Variants in SDK1 observed in about 807,000 individuals in gnomAD.
SDK1 encodes the protein sidekick cell adhesion molecule 1, also known as protein sidekick-1.
A neutral mutation model predicts 245.5 loss-of-function variants in SDK1; 157 were observed. The ratio of observed to expected loss-of-function variants is 0.64; its 90% confidence interval spans 0.56 to 0.73. SDK1 has a LOEUF of 0.73. SDK1 is among the 30% of genes least tolerant of loss of function. The pLI, the probability that SDK1 is intolerant of heterozygous loss-of-function variation, is 0.00. For missense variants in SDK1, 3,583 were observed against 3,002.3 expected (o/e 1.19, Z -4.52); for synonymous variants, 1,647 against 1,278.5 (o/e 1.29, Z -6.15).
intron 1 of SDK1, among the ~76,000 whole-genome samples, chr7:3,583,390 T>A (rs1263502997): frequency 1.3e-5 from 2 of 152,234 alleles, no homozygotes; most frequent in South Asian, 2.1e-4. Flanking sequence ...AAGGATATTT[T>A]ATTTACCTTG....
Position 3,301,354 on chromosome 7 carries a change from G to C in SDK1, c.-233G>C, listed in dbSNP as rs1044830777. On this transcript the variant is annotated 5_prime_UTR_variant, in exon 1 of 45. Coordinates refer to ENST00000404826, the MANE Select transcript of SDK1 (RefSeq NM_152744.4). ...GCGGCGGGCTCGGGACTGCGTGAGC[G>C]CCGGACGCGAATTTCCCCCGTTGAC... 24 of 147,832 alleles carry C rather than the reference G, an allele frequency of 1.6e-4. No individual in the cohort carries two copies. Among genetic ancestry groups the C allele is most frequent in the African/African-American group, 5.9e-4 (24 of 40,842 alleles). The allele number at this position is 147,832 out of a possible 1,614,324, so 9.2% of individuals were successfully genotyped here. A position where few individuals can be genotyped will look rare whatever the true frequency, so the allele number is the denominator to read the frequency against.
chr7:4,221,359 C>A lies in SDK1; in HGVS notation c.5822C>A (p.Pro1941His). 1 of 1,606,878 alleles carries A rather than the reference C, an allele frequency of 6.2e-7. No individual in the cohort carries two copies. The highest frequency in any genetic ancestry group is 8.5e-7 in the Non-Finnish European group (1 of 1,177,028). The change falls in exon 40 of 45, where the codon CCC becomes CAC. Residue 1941 changes from proline (P) to histidine (H), a missense_variant. Physicochemically the swap from Pro to His is moderately conservative, Grantham distance 77. Coordinates refer to ENST00000404826, the MANE Select transcript of SDK1 (RefSeq NM_152744.4). ...ACGGGCTATGTGATCGAGGCCCGGCCCTCAGGTAGGGTGGCAGGCCCCACA... is the reference window on the plus strand; with the variant it reads ...ACGGGCTATGTGATCGAGGCCCGGCACTCAGGTAGGGTGGCAGGCCCCACA... ...PTTGYVIEARPSDEGLWDMFV... is the reference protein window; with the variant it reads ...PTTGYVIEARHSDEGLWDMFV...
chr7:3,365,914 C>G (rs926601332), intron 1 of SDK1, among the ~76,000 whole-genome samples: 1 of 152,012 alleles, frequency 6.6e-6, no homozygotes, highest in Non-Finnish European at 1.5e-5. Context: ...TGGCGGGCAC[C>G]GGTAATCCCA....
intron 30 of SDK1, among the ~76,000 whole-genome samples, chr7:4,155,132 T>C (rs1019247797): frequency 2.0e-5 from 3 of 151,634 alleles, no homozygotes; most frequent in Non-Finnish European, 4.4e-5. Flanking sequence ...GCCTGCCTCA[T>C]TTGGGCAGTG....
At chr7:3,677,530 A>AC (rs1477669240) in intron 4 of SDK1, among the ~76,000 whole-genome samples, 2 of 152,220 alleles carry the variant, frequency 1.3e-5, no homozygotes, top group African/African-American at 2.4e-5. Context: ...AGACTTATTC[A>AC]CTACCACAAG....
intron 34 of SDK1, 107 bp downstream of exon 34, chr7:4,175,941 A>C (rs1584372964): frequency 1.1e-6 from 1 of 934,488 alleles, no homozygotes. Flanking sequence ...TAATGGCTCC[A>C]GTTCTGGAAT....
intron 3 of SDK1, among the ~76,000 whole-genome samples, chr7:3,640,849 A>G (rs1423508653): frequency 6.6e-6 from 1 of 151,856 alleles, no homozygotes; most frequent in Non-Finnish European, 1.5e-5. Context: ...ACACCCAGCT[A>G]ATTTTTGTAT....
intron 5 of SDK1, among the ~76,000 whole-genome samples, chr7:3,869,081 T>C (rs1409248566): frequency 3.3e-5 from 5 of 152,008 alleles, no homozygotes; most frequent in Non-Finnish European, 7.4e-5. Flanking sequence ...CGTTGTCAAT[T>C]GAAGATTTTT....
chr7:3,935,364 A>T (rs1780119964), intron 5 of SDK1, among the ~76,000 whole-genome samples: 1 of 152,250 alleles, frequency 6.6e-6, no homozygotes, highest in African/African-American at 2.4e-5. Context: ...TAACACTAAA[A>T]GCACAGGCAA....
chr7:3,774,766 A>G (rs185047256), intron 4 of SDK1, among the ~76,000 whole-genome samples: 1 of 152,294 alleles, frequency 6.6e-6, no homozygotes, highest in Non-Finnish European at 1.5e-5. Context: ...TCTAGGTTTT[A>G]TGATCTTCTC....
intron 5 of SDK1, among the ~76,000 whole-genome samples, chr7:3,932,764 T>C (rs994494235): frequency 6.6e-6 from 1 of 152,190 alleles, no homozygotes; most frequent in African/African-American, 2.4e-5. Flanking sequence ...TTTTCTCTGC[T>C]CCTGGTCCAA....
intron 1 of SDK1, among the ~76,000 whole-genome samples, chr7:3,461,607 T>C (rs1418848351): frequency 1.3e-5 from 2 of 152,204 alleles, no homozygotes; most frequent in Non-Finnish European, 2.9e-5. Flanking sequence ...TGTGTGACTT[T>C]GGTCATTGTT....
chr7:4,003,422 C>G (rs1785223676), intron 14 of SDK1, among the ~76,000 whole-genome samples: 1 of 152,236 alleles, frequency 6.6e-6, no homozygotes, highest in Non-Finnish European at 1.5e-5. Flanking sequence ...CACAGTGACA[C>G]CTTATTGTTC....
chr7:4,077,922 GTATA>G (rs1780799900), intron 21 of SDK1, among the ~76,000 whole-genome samples: 2 of 152,242 alleles, frequency 1.3e-5, no homozygotes, highest in South Asian at 4.1e-4. Context: ...GTAAAAATTG[GTATA>G]TATAGCGACC....
chr7:3,690,740 T>C (rs1426585948), intron 4 of SDK1, among the ~76,000 whole-genome samples: 3 of 152,346 alleles, frequency 2.0e-5, no homozygotes, highest in East Asian at 3.9e-4. Flanking sequence ...ATTTTTCAAG[T>C]TGATTATAAC....
intron 1 of SDK1, among the ~76,000 whole-genome samples, chr7:3,569,178 G>A (rs914047897): frequency 6.6e-6 from 1 of 151,852 alleles, no homozygotes; most frequent in African/African-American, 2.4e-5. Context: ...AGAGTACAGA[G>A]AATACAAAAA....
At chr7:3,609,741 C>A (rs532325158) in intron 1 of SDK1, among the ~76,000 whole-genome samples, 1 of 133,406 alleles carries the variant, frequency 7.5e-6, no homozygotes, top group Admixed American at 8.0e-5. Context: ...CACTCCCTTA[C>A]CCAGGCTAGA....
intron 14 of SDK1, among the ~76,000 whole-genome samples, chr7:3,988,896 C>A (rs1418278173): frequency 6.6e-6 from 1 of 152,092 alleles, no homozygotes; most frequent in African/African-American, 2.4e-5. Context: ...CTCAGCCTCC[C>A]GAGTAGCTGG....
intron 17 of SDK1, 32 bp downstream of exon 17, chr7:4,017,384 G>C: frequency 6.4e-7 from 1 of 1,573,076 alleles, no homozygotes; most frequent in Non-Finnish European, 8.7e-7. Flanking sequence ...CGAGGTGGCG[G>C]GATCTTTGCC....
Sources: allele counts gnomAD v4.1 joint callset (sites outside exome capture counted in the v4.1 genomes callset), GRCh38; gene constraint gnomAD v4.1.1; transcripts MANE v1.5; gene names NCBI Gene and HGNC (gene_info 2026-07-23, HGNC 2026-07-21).